The following CAP2 variants were observed in gnomAD, a reference collection of about 807,000 sequenced individuals.
CAP2 encodes adenylyl cyclase-associated protein 2.
Under a neutral mutation model 57.7 loss-of-function variants are expected in CAP2, and 24 were observed. The observed-to-expected ratio is 0.42, with a 90% CI of 0.30 to 0.58. The LOEUF (loss-of-function observed/expected upper bound fraction) is 0.58. CAP2 is among the 20% of genes least tolerant of loss of function. CAP2 has a pLI of 0.22. For synonymous variants in CAP2, 194 were observed against 207.2 expected (o/e 0.94, Z 0.55); for missense variants, 501 against 590.3 (o/e 0.85, Z 1.57).
chr6:17,431,276 C>T (rs965997853), intron 3 of CAP2, among the ~76,000 whole-genome samples: 3 of 152,048 alleles, frequency 2.0e-5, no homozygotes, highest in Non-Finnish European at 2.9e-5. Flanking sequence ...CATAACAAAC[C>T]TGTATGTGTA....
rs574982202 is a variant in CAP2, at chr6:17,500,818, T to C, written c.301-6351T>C. Among the ~76,000 whole-genome samples the C allele has an allele frequency of 5.3e-5, 8 of 152,338 alleles. No individual in the cohort carries two copies. In the South Asian group the frequency reaches 1.7e-3, roughly 32 times the overall value. On this transcript the variant is annotated intron_variant, in intron 4 of 12. Coordinates refer to ENST00000229922, the MANE Select transcript of CAP2 (RefSeq NM_006366.3). ...TTCTATGTTGACACTTTTTGATGTA[T>C]ATCTTTCCATACATTTTCTGTGCTG...
chr6:17,444,533 C>T (rs939689677), intron 3 of CAP2, among the ~76,000 whole-genome samples: 3 of 150,440 alleles, frequency 2.0e-5, no homozygotes, highest in Non-Finnish European at 2.9e-5. Flanking sequence ...CCCAGCTACT[C>T]GAGAGGCTGG....
intron 1 of CAP2, among the ~76,000 whole-genome samples, chr6:17,406,659 T>C (rs1044945610): frequency 2.0e-5 from 3 of 152,106 alleles, no homozygotes; most frequent in African/African-American, 7.3e-5. Flanking sequence ...CCCAAAGTGC[T>C]GGGATTACAG....
intron 4 of CAP2, among the ~76,000 whole-genome samples, chr6:17,479,770 C>T (rs1761241524): frequency 6.6e-6 from 1 of 151,768 alleles, no homozygotes; most frequent in African/African-American, 2.4e-5. Context: ...CGCCACCACA[C>T]CCGGCTAATT....
intron 12 of CAP2, among the ~76,000 whole-genome samples, chr6:17,552,151 C>T (rs1313576330): frequency 2.6e-5 from 4 of 152,206 alleles, no homozygotes; most frequent in Admixed American, 2.0e-4. Flanking sequence ...CCCTTAAGTC[C>T]ATCCAATGGC....
At chr6:17,554,428 AG>A (rs1358356155) in intron 12 of CAP2, among the ~76,000 whole-genome samples, 1 of 152,106 alleles carries the variant, frequency 6.6e-6, no homozygotes, top group Non-Finnish European at 1.5e-5. Flanking sequence ...ACACTGTGTA[AG>A]GCTTGTCCTT....
chr6:17,442,984 T>A (rs1212469108), intron 3 of CAP2, among the ~76,000 whole-genome samples: 1 of 152,092 alleles, frequency 6.6e-6, no homozygotes, highest in Non-Finnish European at 1.5e-5. Flanking sequence ...CCCAAAGTGC[T>A]GGGATTACAG....
intron 1 of CAP2, among the ~76,000 whole-genome samples, chr6:17,405,498 G>GTCTCTCTCTCTCTCTC (rs57158664): frequency 2.7e-5 from 4 of 148,414 alleles, no homozygotes; most frequent in African/African-American, 9.8e-5. Context: ...TGAATGTGGA[G>GTCTCTCTCTCTCTCTC]TCTCTCTCTC....
intron 1 of CAP2, among the ~76,000 whole-genome samples, chr6:17,407,778 CAAAAAAAAAAAAA>C (rs60480016): frequency 1.3e-4 from 9 of 69,338 alleles, no homozygotes; most frequent in African/African-American, 2.5e-4. Context: ...GACTCGGTCT[CAAAAAAAAAAAAA>C]AAAAAAAAAA....
chr6:17,457,267 G>A (rs1348239211), intron 3 of CAP2, among the ~76,000 whole-genome samples: 3 of 152,214 alleles, frequency 2.0e-5, no homozygotes, highest in African/African-American at 7.2e-5. Flanking sequence ...ACATGTGATG[G>A]ACAAACTCAG....
rs191806336 is a variant in CAP2 at position 17,481,636 on chromosome 6, C to T, written c.300+18563C>T. Among the ~76,000 whole-genome samples, 94 of 152,304 alleles carry T rather than the reference C, an allele frequency of 6.2e-4. 1 individual carries two copies. Among genetic ancestry groups the T allele is most frequent in the Admixed American group, 3.7e-3 (57 of 15,292 alleles). On this transcript the variant is annotated intron_variant, in intron 4 of 12. Coordinates refer to ENST00000229922, the MANE Select transcript of CAP2 (RefSeq NM_006366.3). The stretch of plus-strand genomic sequence containing the variant: ...TTCTCAAGTATGTCCTTATAAATCT[C>T]TGTCTAGTTTTGTTTCCTACAGTGG...
At chr6:17,556,256 C>A in intron 12 of CAP2, 103 bp from the exon 13 acceptor site, 1 of 787,876 alleles carries the variant, frequency 1.3e-6, no homozygotes, top group Non-Finnish European at 2.2e-6. Flanking sequence ...CTTTGCCTAT[C>A]ATGTGGCACA....
chr6:17,469,219 T>G (rs1005889399), intron 4 of CAP2, among the ~76,000 whole-genome samples: 2 of 152,256 alleles, frequency 1.3e-5, no homozygotes, highest in African/African-American at 4.8e-5. Flanking sequence ...CTCCCACTGA[T>G]GTCCCACCAG....
Position 17,543,186 on chromosome 6 carries a change from T to G in CAP2, c.1209+43T>G, listed in dbSNP as rs1431602793. On this transcript the variant is annotated intron_variant, in intron 11 of 12. Coordinates refer to ENST00000229922, the MANE Select transcript of CAP2 (RefSeq NM_006366.3). ...AACCATGCTGTAATAAGCAGAGCCT[T>G]TCCAACCACGCTGTAATAAGCAGAG... 2.7e-6 allele frequency: 4 copies of G among 1,496,162 alleles called. No homozygotes were observed. The African/African-American group carries it at 5.5e-5, about 21-fold the overall frequency. The allele number at this position is 1,496,162 out of a possible 1,614,324, so 92.7% of individuals were successfully genotyped here. A position where few individuals can be genotyped will look rare whatever the true frequency, so the allele number is the denominator to read the frequency against.
chr6:17,490,149 G>T (rs1761511380), intron 4 of CAP2, among the ~76,000 whole-genome samples: 1 of 152,054 alleles, frequency 6.6e-6, no homozygotes, highest in South Asian at 2.1e-4. Flanking sequence ...AATTACCCTG[G>T]AATGCAGCTG....
chr6:17,438,710 A>AT (rs1447484418), intron 3 of CAP2, among the ~76,000 whole-genome samples: 3 of 144,730 alleles, frequency 2.1e-5, no homozygotes, highest in Non-Finnish European at 4.5e-5. Flanking sequence ...AAGTGCTGGG[A>AT]TTATAGGTGT....
At chr6:17,547,298 A>G (rs1763069075) in intron 11 of CAP2, among the ~76,000 whole-genome samples, 1 of 152,226 alleles carries the variant, frequency 6.6e-6, no homozygotes. Context: ...ATATGCACAC[A>G]TAGATCTATA....
In CAP2 at chr6:17,397,205, G is replaced by A. The variant is rs150394562; in HGVS notation, c.-2+3459G>A. ...CTCCTGAGTAGCTGGGATTACAGAC[G>A]CGGGCCACCATGCCTGGCTAATTTT... On this transcript the variant is annotated intron_variant, in intron 1 of 12. Transcript: ENST00000229922. 9.2e-3 allele frequency among the ~76,000 whole-genome samples: 1,396 copies of A among 152,002 alleles called. 24 individuals are homozygous for A. Among genetic ancestry groups the A allele is most frequent in the African/African-American group, 0.032 (1,316 of 41,480 alleles).
At chr6:17,436,748 G>T (rs1049814823) in intron 3 of CAP2, among the ~76,000 whole-genome samples, 1 of 152,042 alleles carries the variant, frequency 6.6e-6, no homozygotes, top group Admixed American at 6.6e-5. Flanking sequence ...GGAGCCTGTG[G>T]ATGCTGATGC....
Sources: allele counts gnomAD v4.1 joint callset (sites outside exome capture counted in the v4.1 genomes callset), GRCh38; gene constraint gnomAD v4.1.1; transcripts MANE v1.5; gene names NCBI Gene and HGNC (gene_info 2026-07-23, HGNC 2026-07-21).